Variants in MCTP1 observed in about 807,000 individuals in gnomAD.
MCTP1 encodes multiple C2 and transmembrane domain containing 1.
In MCTP1, 69 loss-of-function variants were observed where a neutral mutation model predicts 120.6. That is an observed-to-expected ratio of 0.57 (90% CI 0.47 to 0.70). MCTP1 has a LOEUF of 0.70. Among genes scored for constraint, MCTP1 ranks in the 30% least tolerant of loss-of-function variants. The pLI, the probability that MCTP1 is intolerant of heterozygous loss-of-function variation, is 0.00. For synonymous variants in MCTP1, 529 were observed against 493.1 expected (o/e 1.07, Z -0.96); for missense variants, 1,203 against 1,248.8 (o/e 0.96, Z 0.55).
chr5:95,142,916 G>A (rs929050713), intron 1 of MCTP1, among the ~76,000 whole-genome samples: 1 of 152,182 alleles, frequency 6.6e-6, no homozygotes, highest in Non-Finnish European at 1.5e-5. Context: ...CAAACAGCTA[G>A]TGCTTTAAAT....
intron 16 of MCTP1, among the ~76,000 whole-genome samples, chr5:94,868,663 A>G (rs1232115000): frequency 1.3e-5 from 2 of 152,038 alleles, no homozygotes; most frequent in Non-Finnish European, 2.9e-5. Flanking sequence ...AATTTTTAAA[A>G]TAATGTTAAC....
chr5:95,279,387 G>A (rs1760129012), intron 1 of MCTP1, among the ~76,000 whole-genome samples: 1 of 151,988 alleles, frequency 6.6e-6, no homozygotes, highest in Non-Finnish European at 1.5e-5. Flanking sequence ...TTTTTCCATT[G>A]CTGTATAAAA....
At chr5:94,998,863 T>G (rs1460232201) in intron 2 of MCTP1, among the ~76,000 whole-genome samples, 5 of 152,190 alleles carry the variant, frequency 3.3e-5, no homozygotes, top group East Asian at 3.9e-4. Context: ...TCGTAGACAT[T>G]GCCCAAACCT....
Position 95,280,215 on chromosome 5 carries a change from A to G in MCTP1, c.720+3641T>C, listed in dbSNP as rs538702117. On this transcript the variant is annotated intron_variant, in intron 1 of 22. Coordinates refer to ENST00000515393, the MANE Select transcript of MCTP1 (RefSeq NM_024717.7). ...TTTTCCACTTTTTATCAGGGCTTAC[A>G]GATATGTTGTAGGAATCTTATCCCA... Among the ~76,000 whole-genome samples the G allele has an allele frequency of 8.5e-5, 13 of 152,368 alleles. 1 individual carries two copies. In the East Asian group the frequency reaches 2.5e-3, roughly 29 times the overall value.
chr5:95,230,209 CACATATACACAT>C (rs1376336819), intron 1 of MCTP1, among the ~76,000 whole-genome samples: 1 of 148,192 alleles, frequency 6.7e-6, no homozygotes, highest in Non-Finnish European at 1.5e-5. Flanking sequence ...TATATACACA[CACATATACACAT>C]ACATATATGT....
chr5:95,014,204 G>A (rs1009454385), intron 2 of MCTP1, among the ~76,000 whole-genome samples: 7 of 152,008 alleles, frequency 4.6e-5, no homozygotes, highest in Admixed American at 1.3e-4. Flanking sequence ...TGGAGGTTAC[G>A]GTATGTTTGT....
At chr5:95,031,665 A>G (rs1008683180) in intron 1 of MCTP1, among the ~76,000 whole-genome samples, 2 of 152,282 alleles carry the variant, frequency 1.3e-5, no homozygotes, top group Non-Finnish European at 2.9e-5. Flanking sequence ...AAAGAATGTT[A>G]TATGCTATCA....
chr5:95,046,450 A>T (rs1843161001), intron 1 of MCTP1, among the ~76,000 whole-genome samples: 1 of 152,166 alleles, frequency 6.6e-6, no homozygotes, highest in South Asian at 2.1e-4. Flanking sequence ...ATGTTACTTC[A>T]TTATGCTAAT....
At chr5:95,051,495 C>T (rs1363035408) in intron 1 of MCTP1, among the ~76,000 whole-genome samples, 3 of 152,158 alleles carry the variant, frequency 2.0e-5, no homozygotes, top group East Asian at 1.9e-4. Context: ...TGCTGGCATT[C>T]CTTCAATTAC....
At chr5:95,160,729 A>AAC (rs1745631332) in intron 1 of MCTP1, among the ~76,000 whole-genome samples, 1 of 67,056 alleles carries the variant, frequency 1.5e-5, no homozygotes, top group Admixed American at 1.6e-4. Flanking sequence ...TAATACCCAA[A>AAC]ATATAGGAAC....
intron 3 of MCTP1, 65 bp from the exon 4 acceptor site, chr5:94,942,492 T>C: frequency 1.7e-6 from 2 of 1,161,530 alleles, no homozygotes; most frequent in South Asian, 2.6e-5. Context: ...TGTGATAATG[T>C]CTTGGTCATA....
At chr5:94,887,533 A>T (rs189516729) in intron 12 of MCTP1, among the ~76,000 whole-genome samples, 2,325 of 152,316 alleles carry the variant, frequency 0.015, 35 homozygotes, top group Non-Finnish European at 0.024. Context: ...TGCCAGATTA[A>T]TTTGATTATA....
chr5:95,120,093 C>T lies in MCTP1; in HGVS notation c.721-102609G>A, dbSNP rs192103192. Among the ~76,000 whole-genome samples the T allele has an allele frequency of 5.0e-4, 73 of 146,620 alleles. 2 individuals are homozygous for T. The highest frequency in any genetic ancestry group is 7.1e-3 in the Middle Eastern group (2 of 280). ...TCAGGAGGCTGAGGCAGGAGAATGGCGTGAACCTGGGAGGCAGAGCTTGTA... is the reference window on the plus strand; with the variant it reads ...TCAGGAGGCTGAGGCAGGAGAATGGTGTGAACCTGGGAGGCAGAGCTTGTA... On this transcript the variant is annotated intron_variant, in intron 1 of 22. Coordinates refer to ENST00000515393, the MANE Select transcript of MCTP1 (RefSeq NM_024717.7).
At chr5:94,826,885 C>T (rs1787248256) in intron 17 of MCTP1, among the ~76,000 whole-genome samples, 1 of 139,488 alleles carries the variant, frequency 7.2e-6, no homozygotes, top group Admixed American at 7.9e-5. Context: ...AGATAAGTCT[C>T]CTAAATACAG....
Position 94,847,680 on chromosome 5 carries a change from G to GTATA in MCTP1, c.2436+20652_2436+20653insTATA, listed in dbSNP as rs1302413305. The stretch of plus-strand genomic sequence containing the variant: ...TGTGTGTGTGTGTGTGTGTGTGTGT[G>GTATA]TGTATATATATATATATATATATAT... On this transcript the variant is annotated intron_variant, in intron 17 of 22. Transcript: ENST00000515393. Among the ~76,000 whole-genome samples, 606 of 108,350 alleles carry GTATA rather than the reference G, an allele frequency of 5.6e-3. 1 individual carries two copies. The highest frequency in any genetic ancestry group is 0.015 in the East Asian group (59 of 3,880). 71.1% of individuals were successfully genotyped at this position (108,350 alleles called of 152,430 possible).
chr5:94,708,556 CA>C lies in MCTP1; in HGVS notation c.2883del (p.Asn961LysfsTer22). 6.2e-7 allele frequency: 1 copy of C among 1,611,430 alleles called. No individual in the cohort carries two copies. The highest frequency in any genetic ancestry group is 8.5e-7 in the Non-Finnish European group (1 of 1,178,202). ...KLRSPYAIDN[N>X]ELLDFLSRVP... ...ACTCTGGAAAGGAAGTCAAGTAGTTCATTGTTATCAATTGCATATGGACTCC... is the reference window on the plus strand; with the variant it reads ...ACTCTGGAAAGGAAGTCAAGTAGTTCTTGTTATCAATTGCATATGGACTCC... On this transcript the variant is annotated frameshift_variant, in exon 22 of 23. Transcript: ENST00000515393. LOFTEE classifies it high-confidence loss of function.
At chr5:94,751,653 C>T (rs1485940703) in intron 19 of MCTP1, among the ~76,000 whole-genome samples, 1 of 152,064 alleles carries the variant, frequency 6.6e-6, no homozygotes, top group East Asian at 1.9e-4. Flanking sequence ...GCGTACAGAG[C>T]CCTGACAGCT....
chr5:95,147,096 TA>T (rs1245870830), intron 1 of MCTP1, among the ~76,000 whole-genome samples: 3 of 152,122 alleles, frequency 2.0e-5, no homozygotes, highest in Admixed American at 2.0e-4. Flanking sequence ...TTTATTTATT[TA>T]TTTTTTTAAG....
intron 18 of MCTP1, among the ~76,000 whole-genome samples, chr5:94,784,518 A>G (rs1408888421): frequency 6.6e-6 from 1 of 152,096 alleles, no homozygotes. Context: ...TTTTGAGAAG[A>G]AACTTTTGCA....
Sources: allele counts gnomAD v4.1 joint callset (sites outside exome capture counted in the v4.1 genomes callset), GRCh38; gene constraint gnomAD v4.1.1; transcripts MANE v1.5; gene names NCBI Gene and HGNC (gene_info 2026-07-23, HGNC 2026-07-21).